C2CD3: variants seen among roughly 807,000 people sequenced by gnomAD.
C2CD3 encodes C2 domain-containing protein 3.
Under a neutral mutation model 234.0 loss-of-function variants are expected in C2CD3, and 148 were observed. That is an observed-to-expected ratio of 0.63 (90% CI 0.55 to 0.72). C2CD3 has a LOEUF of 0.72. C2CD3 is among the 30% of genes least tolerant of loss of function. The pLI, the probability that C2CD3 is intolerant of heterozygous loss-of-function variation, is 0.00. For missense variants in C2CD3, 2,577 were observed against 2,811.5 expected (o/e 0.92, Z 1.89); for synonymous variants, 1,000 against 1,035.4 (o/e 0.97, Z 0.66).
intron 3 of C2CD3, 126 bp from the exon 4 acceptor site, chr11:74,139,954 C>A (rs1319112381): frequency 2.1e-6 from 1 of 467,076 alleles, no homozygotes; most frequent in African/African-American, 2.7e-5. Context: ...GTCCCCCATT[C>A]CCTAGAGGAT....
At chr11:74,033,019 C>T (rs971583875) in intron 31 of C2CD3, among the ~76,000 whole-genome samples, 1 of 152,152 alleles carries the variant, frequency 6.6e-6, no homozygotes, top group Non-Finnish European at 1.5e-5. Flanking sequence ...TCTCTAGACC[C>T]TCTGCTTCTC....
intron 12 of C2CD3, among the ~76,000 whole-genome samples, chr11:74,106,864 T>G (rs961315077): frequency 1.3e-5 from 2 of 152,210 alleles, no homozygotes; most frequent in Admixed American, 1.3e-4. Flanking sequence ...ATATATCTAA[T>G]GCTATCAAGG....
intron 24 of C2CD3, among the ~76,000 whole-genome samples, chr11:74,059,502 C>G (rs1373211972): frequency 1.3e-5 from 2 of 151,936 alleles, no homozygotes; most frequent in Non-Finnish European, 2.9e-5. Flanking sequence ...GAGGCTCCAC[C>G]CTTTTCTCTA....
At chr11:74,164,589 G>A (rs1405614286) in intron 2 of C2CD3, among the ~76,000 whole-genome samples, 2 of 152,046 alleles carry the variant, frequency 1.3e-5, no homozygotes, top group Non-Finnish European at 2.9e-5. Flanking sequence ...AATGTACAGG[G>A]CCTCAGAGCA....
Position 74,034,256 on chromosome 11 carries a change from A to C in C2CD3, c.5904T>G (p.Asp1968Glu), listed in dbSNP as rs773654473. The change falls in exon 31 of 33, where the codon GAT becomes GAG. Residue 1968 changes from aspartate to glutamate, a missense_variant. Transcript: ENST00000334126. ...LITDLQTITR[D>E]SQAALSSHRA... Reference sequence around the variant, plus strand: ...GGTGAGAACTCAAAGCTGCTTGCGAATCCCTGGTGATAGTCTGCAGATCTG... The same window carrying C: ...GGTGAGAACTCAAAGCTGCTTGCGACTCCCTGGTGATAGTCTGCAGATCTG... 13 of 1,535,612 alleles carry C rather than the reference A, an allele frequency of 8.5e-6. No homozygotes were observed. Among genetic ancestry groups the C allele is most frequent in the Non-Finnish European group, 1.1e-5 (13 of 1,146,628 alleles).
intron 3 of C2CD3, chr11:74,142,258 G>A (rs1383861391): frequency 6.6e-6 from 1 of 152,102 alleles, no homozygotes; most frequent in Non-Finnish European, 1.5e-5. Context: ...TGTTTGCTGT[G>A]GCTAAACCAA....
chr11:74,065,712 A>G (rs1343271255), intron 24 of C2CD3, among the ~76,000 whole-genome samples: 2 of 151,836 alleles, frequency 1.3e-5, no homozygotes, highest in Non-Finnish European at 2.9e-5. Context: ...GCACATACAC[A>G]CCATGGAATA....
intron 3 of C2CD3, among the ~76,000 whole-genome samples, chr11:74,146,276 G>A (rs1266820337): frequency 6.6e-6 from 1 of 152,170 alleles, no homozygotes; most frequent in Non-Finnish European, 1.5e-5. Flanking sequence ...AGCATGATTT[G>A]CATGTACACA....
intron 11 of C2CD3, 30 bp from the exon 12 acceptor site, chr11:74,109,182 T>A: frequency 8.4e-7 from 1 of 1,187,790 alleles, no homozygotes; most frequent in South Asian, 1.4e-5. Flanking sequence ...CACAGACATG[T>A]CACACCACCC....
At chr11:74,021,551 G>A (rs1474468350) in intron 32 of C2CD3, among the ~76,000 whole-genome samples, 1 of 152,218 alleles carries the variant, frequency 6.6e-6, no homozygotes, top group Non-Finnish European at 1.5e-5. Context: ...AGCGGGAGCA[G>A]CCAGTGAGGG....
rs191968849 is a variant in C2CD3 at position 74,147,844 on chromosome 11, C to T, written c.484-8016G>A. The stretch of plus-strand genomic sequence containing the variant: ...GAAATGAAACTGATGGCATGAAATA[C>T]ATTCCTAAAATTGTAGAGCTAAAGA... On this transcript the variant is annotated intron_variant, in intron 3 of 32. Transcript: ENST00000334126. Among the ~76,000 whole-genome samples the T allele has an allele frequency of 3.9e-3, 589 of 152,294 alleles. 3 individuals carry two copies. Among genetic ancestry groups the T allele is most frequent in the Middle Eastern group, 0.034 (10 of 294 alleles).
At chr11:74,149,285 G>A (rs1269324614) in intron 3 of C2CD3, among the ~76,000 whole-genome samples, 1 of 152,130 alleles carries the variant, frequency 6.6e-6, no homozygotes, top group Non-Finnish European at 1.5e-5. Flanking sequence ...TGAACAATTA[G>A]AAGTACTGAT....
chr11:74,133,024 T>C, intron 6 of C2CD3, 52 bp from the exon 7 acceptor site: 1 of 1,578,454 alleles, frequency 6.3e-7, no homozygotes, highest in Non-Finnish European at 8.7e-7. Flanking sequence ...ATGGAAAAAA[T>C]CTAAATCATA....
chr11:74,081,628 A>T (rs922197129), intron 22 of C2CD3, among the ~76,000 whole-genome samples: 6 of 152,002 alleles, frequency 3.9e-5, no homozygotes, highest in African/African-American at 1.4e-4. Context: ...CATCATCACC[A>T]TCATCATCAT....
At chr11:74,136,964 TA>T (rs375515891) in intron 5 of C2CD3, among the ~76,000 whole-genome samples, 32,730 of 144,660 alleles carry the variant, frequency 0.23, 4,028 homozygotes, top group Admixed American at 0.31. Context: ...AAATAAAAGT[TA>T]AAAAAAAAAA....
chr11:74,137,211 A>G (rs980398282), intron 5 of C2CD3, among the ~76,000 whole-genome samples: 18 of 152,152 alleles, frequency 1.2e-4, no homozygotes, highest in South Asian at 8.3e-4. Context: ...CTGGCTTCAT[A>G]TATCACCATT....
At chr11:74,097,039 C>G (rs1447164654) in intron 16 of C2CD3, among the ~76,000 whole-genome samples, 2 of 151,818 alleles carry the variant, frequency 1.3e-5, no homozygotes, top group African/African-American at 2.4e-5. Flanking sequence ...ATCCCAGCTA[C>G]CCGGGAGGCC....
intron 3 of C2CD3, chr11:74,142,180 T>A (rs1259844732): frequency 6.6e-6 from 1 of 152,196 alleles, no homozygotes; most frequent in African/African-American, 2.4e-5. Flanking sequence ...GGCAAAAACC[T>A]TAGATATGGT....
At chr11:74,029,178 G>T (rs1030984042) in intron 31 of C2CD3, among the ~76,000 whole-genome samples, 5 of 152,162 alleles carry the variant, frequency 3.3e-5, no homozygotes, top group African/African-American at 7.2e-5. Flanking sequence ...GGTATTTTTT[G>T]AATCAAATCA....
Sources: allele counts gnomAD v4.1 joint callset (sites outside exome capture counted in the v4.1 genomes callset), GRCh38; gene constraint gnomAD v4.1.1; transcripts MANE v1.5; gene names NCBI Gene and HGNC (gene_info 2026-07-23, HGNC 2026-07-21).